The following ANKRD17 variants were observed in gnomAD, a reference collection of about 807,000 sequenced individuals.
The protein encoded by ANKRD17 is ankyrin repeat domain-containing protein 17.
Under a neutral mutation model 229.7 loss-of-function variants are expected in ANKRD17, and 19 were observed. The observed-to-expected ratio is 0.08, with a 90% CI of 0.06 to 0.12. ANKRD17 has a LOEUF of 0.12. ANKRD17 is among the 10% of genes least tolerant of loss of function. The probability of loss-of-function intolerance (pLI) is 1.00; values close to 1 mark genes in which losing one functional copy is unlikely to be tolerated. For synonymous variants in ANKRD17, 1,112 were observed against 1,146.1 expected, an observed-to-expected ratio of 0.97 and a Z score of 0.60; for missense variants, 2,176 against 3,176.8, an observed-to-expected ratio of 0.68 and a Z score of 7.57.
At chr4:73,201,631 A>C (rs558609176) in intron 1 of ANKRD17, among the ~76,000 whole-genome samples, 4 of 152,300 alleles carry the variant, frequency 2.6e-5, no homozygotes, top group South Asian at 4.1e-4. Context: ...CAGGCTTATA[A>C]TTCTCTTTGA....
intron 16 of ANKRD17, among the ~76,000 whole-genome samples, chr4:73,134,757 C>T (rs977159071): frequency 1.3e-4 from 20 of 151,858 alleles, no homozygotes; most frequent in Admixed American, 1.2e-3. Flanking sequence ...ATGTTAGAAC[C>T]TTTTTTCTTT....
intron 1 of ANKRD17, chr4:73,222,840 T>G (rs1260324168): frequency 2.8e-6 from 2 of 710,612 alleles, no homozygotes; most frequent in Middle Eastern, 5.8e-4. Context: ...GGAATAGGTC[T>G]GACCGTGTCT....
chr4:73,157,808 C>T (rs1219134659), intron 3 of ANKRD17, among the ~76,000 whole-genome samples: 1 of 151,918 alleles, frequency 6.6e-6, no homozygotes, highest in African/African-American at 2.4e-5. Flanking sequence ...AGAACACGTC[C>T]GCCGGGCACA....
intron 1 of ANKRD17, among the ~76,000 whole-genome samples, chr4:73,218,624 C>T (rs1741419832): frequency 8.1e-6 from 1 of 123,184 alleles, no homozygotes; most frequent in Non-Finnish European, 1.6e-5. Context: ...GCCTGGGTGA[C>T]AGAGTGAGAC....
chr4:73,250,777 G>A (rs1744949739), intron 1 of ANKRD17, among the ~76,000 whole-genome samples: 1 of 151,354 alleles, frequency 6.6e-6, no homozygotes, highest in Admixed American at 6.6e-5. Flanking sequence ...CGCGATCTCT[G>A]CTCACTGCAA....
At chr4:73,242,734 G>A (rs1257101914) in intron 1 of ANKRD17, among the ~76,000 whole-genome samples, 3 of 152,158 alleles carry the variant, frequency 2.0e-5, no homozygotes, top group Admixed American at 6.5e-5. Context: ...GATATTCAAT[G>A]ACTTGTGGCT....
chr4:73,084,542 G>A (rs1721918154), intron 30 of ANKRD17, among the ~76,000 whole-genome samples: 1 of 150,198 alleles, frequency 6.7e-6, no homozygotes, highest in African/African-American at 2.5e-5. Context: ...TCCGCCTCCT[G>A]GGTTCAAGCA....
intron 29 of ANKRD17, 90 bp downstream of exon 29, chr4:73,090,577 C>T: frequency 1.3e-6 from 2 of 1,509,630 alleles, no homozygotes; most frequent in South Asian, 2.4e-5. Flanking sequence ...CTATATCGTC[C>T]AGAGAATAAA....
Position 73,103,648 on chromosome 4 carries a change from T to A in ANKRD17, c.4402-1101A>T, listed in dbSNP as rs917176788. On this transcript the variant is annotated intron_variant, in intron 24 of 33. Coordinates refer to ENST00000358602, the MANE Select transcript of ANKRD17 (RefSeq NM_032217.5). ...ATTCTGAATTATTTTATGTGTATTT[T>A]AAATATGTGTCAAAACAATGTCAGT... is the stretch of plus-strand genomic sequence containing the variant. 2.0e-5 allele frequency among the ~76,000 whole-genome samples: 3 copies of A among 152,312 alleles called. No individual in the cohort carries two copies. The South Asian group carries it at 6.2e-4, about 32-fold the overall frequency.
At chr4:73,093,669 C>G (rs908378929) in intron 28 of ANKRD17, among the ~76,000 whole-genome samples, 1 of 152,050 alleles carries the variant, frequency 6.6e-6, no homozygotes, top group Non-Finnish European at 1.5e-5. Context: ...CCACCGTGCC[C>G]AGCCCAAGAA....
At position 73,258,785 on chromosome 4, in the gene ANKRD17, C is replaced by T; in HGVS notation, c.-117G>A. 3.2e-6 allele frequency: 4 copies of T among 1,238,206 alleles called. No individual in the cohort carries two copies. The highest frequency in any genetic ancestry group is 4.1e-6 in the Non-Finnish European group (4 of 986,714). 76.7% of individuals were successfully genotyped at this position (1,238,206 alleles called of 1,614,324 possible). On this transcript the variant is annotated 5_prime_UTR_variant, in exon 1 of 34. Coordinates refer to ENST00000358602, the MANE Select transcript of ANKRD17 (RefSeq NM_032217.5). ...GGTGCCGCCTCCGCCGCCACCGCCT[C>T]GGTCACCTCTACTGCCGCCGCCGCC...
At position 73,142,582 on chromosome 4, in the gene ANKRD17, C is replaced by G; in HGVS notation, c.2085+58G>C. The G allele has an allele frequency of 4.3e-6, 7 of 1,612,278 alleles. No individual in the cohort carries two copies. The South Asian group carries it at 7.7e-5, about 18-fold the overall frequency. ...GGAACTTGTACATGATATGTTGTAA[C>G]AATGACCAAGAGAGAAATACTAATT... On this transcript the variant is annotated intron_variant, in intron 12 of 33. Transcript: ENST00000358602.
chr4:73,207,606 A>G (rs2149137372), intron 1 of ANKRD17, among the ~76,000 whole-genome samples: 1 of 152,340 alleles, frequency 6.6e-6, no homozygotes, highest in South Asian at 2.1e-4. Context: ...AATCATAGAA[A>G]TGCTGGTAGA....
At chr4:73,249,918 A>C (rs1744836547) in intron 1 of ANKRD17, among the ~76,000 whole-genome samples, 1 of 152,210 alleles carries the variant, frequency 6.6e-6, no homozygotes, top group Non-Finnish European at 1.5e-5. Context: ...TAAAATCTAC[A>C]GTCCTCCTCA....
intron 27 of ANKRD17, among the ~76,000 whole-genome samples, chr4:73,094,643 C>A (rs56235322): frequency 6.6e-6 from 1 of 151,140 alleles, no homozygotes; most frequent in African/African-American, 2.4e-5. Context: ...TGTGTACACA[C>A]ACACAAATGT....
At chr4:73,111,650 G>A (rs552514980) in intron 24 of ANKRD17, among the ~76,000 whole-genome samples, 118 of 152,162 alleles carry the variant, frequency 7.8e-4, no homozygotes, top group African/African-American at 2.4e-3. Flanking sequence ...ATTATTTGTC[G>A]TGACAAAAAA....
At position 73,078,700 on chromosome 4, in the gene ANKRD17, C is replaced by T. The variant is rs1241696248; in HGVS notation, c.7350G>A (p.Leu2450=). Residue 2450 remains leucine, a synonymous_variant, in exon 31 of 34, where the codon TTG becomes TTA. Transcript: ENST00000358602. ...TSAPSVIGSN[L]STSVGHSGIW... is the part of the protein sequence containing the mutation. ...TGCCACTATGTCCTACTGATGTAGA[C>T]AAATTGCTCCCAATAACAGATGGAG... 1.2e-6 allele frequency: 2 copies of T among 1,614,082 alleles called. No individual in the cohort carries two copies. The highest frequency in any genetic ancestry group is 2.7e-5 in the African/African-American group (2 of 74,920).
intron 31 of ANKRD17, 74 bp from the exon 32 acceptor site, chr4:73,077,607 T>C: frequency 7.5e-7 from 1 of 1,332,488 alleles, no homozygotes. Flanking sequence ...GTTTTTCTAA[T>C]ATTTTCCACA....
chr4:73,150,521 G>A (rs1299066735), intron 7 of ANKRD17, among the ~76,000 whole-genome samples: 2 of 151,836 alleles, frequency 1.3e-5, no homozygotes, highest in Non-Finnish European at 2.9e-5. Flanking sequence ...GAACTCAAAA[G>A]CTTAGAAAAA....
Sources: gnomAD v4.1 joint callset for allele counts (sites outside exome capture counted in the v4.1 genomes callset) on GRCh38, gnomAD v4.1.1 for gene constraint, MANE v1.5 for transcripts, NCBI Gene and HGNC (gene_info 2026-07-23, HGNC 2026-07-21) for gene names.